Variants in CACNB2 observed in about 807,000 individuals in gnomAD.
CACNB2 encodes calcium voltage-gated channel auxiliary subunit beta 2, also known as voltage-dependent L-type calcium channel subunit beta-2.
Under a neutral mutation model 73.3 loss-of-function variants are expected in CACNB2, and 42 were observed. That is an observed-to-expected ratio of 0.57 (90% CI 0.45 to 0.74). The LOEUF is 0.74. Ranked by LOEUF, CACNB2 falls within the 30% of genes least tolerant of loss-of-function variation. The probability of loss-of-function intolerance (pLI) is 0.00; values close to 1 mark genes in which losing one functional copy is unlikely to be tolerated. For missense variants in CACNB2, 940 were observed against 853.0 expected, an observed-to-expected ratio of 1.10 and a Z score of -1.27; for synonymous variants, 348 against 310.3, an observed-to-expected ratio of 1.12 and a Z score of -1.28.
At chr10:18,524,022 G>T (rs75262294) in intron 9 of CACNB2, among the ~76,000 whole-genome samples, 2,943 of 152,112 alleles carry the variant, frequency 0.019, 82 homozygotes, top group African/African-American at 0.065. Context: ...GATCAAAGAA[G>T]AAATAAATCA....
chr10:18,520,700 C>G (rs1244533749), intron 9 of CACNB2, among the ~76,000 whole-genome samples: 1 of 152,232 alleles, frequency 6.6e-6, no homozygotes, highest in Non-Finnish European at 1.5e-5. Flanking sequence ...TTCCCTCGCT[C>G]ATTCTCACCC....
At chr10:18,336,832 G>C (rs1445270064) in intron 2 of CACNB2, among the ~76,000 whole-genome samples, 1 of 152,130 alleles carries the variant, frequency 6.6e-6, no homozygotes, top group African/African-American at 2.4e-5. Flanking sequence ...AATTTCCCTA[G>C]AAAATTAGAT....
At chr10:18,158,373 A>G (rs1432107877) in intron 2 of CACNB2, among the ~76,000 whole-genome samples, 1 of 152,224 alleles carries the variant, frequency 6.6e-6, no homozygotes, top group Non-Finnish European at 1.5e-5. Context: ...CACTGTTATT[A>G]GAATGAATGA....
rs144367884 is a variant in CACNB2 at position 18,534,076 on chromosome 10, C to T, written c.1055C>T (p.Ala352Val). 7.6e-5 allele frequency: 122 copies of T among 1,613,932 alleles called. No homozygotes were observed. The highest frequency in any genetic ancestry group is 5.3e-4 in the African/African-American group (40 of 75,020). Residue 352 changes from alanine (A) to valine (V), a missense_variant and splice_region_variant, in exon 11 of 14, where the codon GCG becomes GTG. Transcript: ENST00000324631. ...IERSNTRSSL[A>V]EVQSEIERIF... ...AACTGAATTGTTTCGCCCTTTACAG[C>T]GGAAGTTCAGAGTGAAATCGAAAGG...
At chr10:18,442,683 G>T (rs2046472033) in intron 3 of CACNB2, among the ~76,000 whole-genome samples, 1 of 150,714 alleles carries the variant, frequency 6.6e-6, no homozygotes, top group Non-Finnish European at 1.5e-5. Context: ...AAATTAGCTG[G>T]GCGTGGTGGC....
intron 4 of CACNB2, among the ~76,000 whole-genome samples, chr10:18,499,319 C>T (rs527278784): frequency 3.3e-5 from 5 of 152,140 alleles, no homozygotes; most frequent in South Asian, 2.1e-4. Flanking sequence ...TGATAACTGC[C>T]GATTAAAAGA....
intron 2 of CACNB2, among the ~76,000 whole-genome samples, chr10:18,370,339 G>C (rs1332300485): frequency 6.6e-6 from 1 of 152,070 alleles, no homozygotes; most frequent in Non-Finnish European, 1.5e-5. Flanking sequence ...TGTCACCCAG[G>C]CTAGAGTACA....
intron 2 of CACNB2, among the ~76,000 whole-genome samples, chr10:18,343,832 C>T (rs1426046115): frequency 3.3e-5 from 5 of 152,110 alleles, no homozygotes; most frequent in South Asian, 4.1e-4. Flanking sequence ...CAAATACAAA[C>T]GCTCTAAAAC....
chr10:18,498,355 A>T lies in CACNB2; in HGVS notation c.334A>T (p.Thr112Ser). The change falls in exon 4 of 14, where the codon ACA becomes TCA. Residue 112 changes from threonine to serine, a missense_variant and splice_region_variant. Physicochemically the swap from Thr to Ser is moderately conservative, Grantham distance 58. Transcript: ENST00000324631. ...TTCCCTCTTCCTTTTCCCACTTTAG[A>T]CAAAGCCCGTTGCATTTGCGGTTCG... Reference protein sequence around the residue: ...QAQAQLEKAKTKPVAFAVRTN... With the variant: ...QAQAQLEKAKSKPVAFAVRTN... 5.0e-6 allele frequency: 8 copies of T among 1,614,122 alleles called. No homozygotes were observed. The South Asian group carries it at 8.8e-5, about 18-fold the overall frequency.
chr10:18,392,248 G>A (rs1287914204), intron 2 of CACNB2, among the ~76,000 whole-genome samples: 2 of 152,254 alleles, frequency 1.3e-5, no homozygotes, highest in South Asian at 4.1e-4. Flanking sequence ...TAACAAAGGA[G>A]ACTTAGAAGG....
rs754812063 is a variant in CACNB2 at position 18,150,976 on chromosome 10, G to A, written c.213+1G>A. ...TACCTCAAATAGTTTTGTTCGCCAG[G>A]TAAGAGTTTTAAGTTCATGGTTTTG... On this transcript the variant is annotated splice_donor_variant, in intron 2 of 13. Transcript: ENST00000324631. LOFTEE classifies it high-confidence loss of function. 2.5e-6 allele frequency: 4 copies of A among 1,575,454 alleles called. No individual in the cohort carries two copies. The highest frequency in any genetic ancestry group is 3.5e-6 in the Non-Finnish European group (4 of 1,151,562).
chr10:18,519,062 C>T (rs1242369656), intron 9 of CACNB2, 94 bp downstream of exon 9: 1 of 976,730 alleles, frequency 1.0e-6, no homozygotes, highest in Non-Finnish European at 1.7e-6. Flanking sequence ...GAAAATGGCC[C>T]TCTGATGTCT....
intron 9 of CACNB2, among the ~76,000 whole-genome samples, chr10:18,519,328 C>T (rs2051606436): frequency 6.6e-6 from 1 of 152,116 alleles, no homozygotes; most frequent in South Asian, 2.1e-4. Flanking sequence ...TGTGCCATCT[C>T]CCCCTCCTTA....
chr10:18,534,161 T>C lies in CACNB2; in HGVS notation c.1140T>C (p.His380=), dbSNP rs151199943. ...LVVLDADTIN[H]PAQLSKTSLA... ...TCCTTGACGCGGATACAATTAATCATCCAGCTCAACTCAGTAAAACCTCCT... is the reference window on the plus strand; with the variant it reads ...TCCTTGACGCGGATACAATTAATCACCCAGCTCAACTCAGTAAAACCTCCT... The change falls in exon 11 of 14, where the codon CAT becomes CAC. Residue 380 remains histidine, a synonymous_variant. Transcript: ENST00000324631. 73 of 1,613,868 alleles carry C rather than the reference T, an allele frequency of 4.5e-5. No individual in the cohort carries two copies. In the Middle Eastern group the frequency reaches 1.5e-3, roughly 33 times the overall value.
At chr10:18,316,626 G>A (rs958566723) in intron 2 of CACNB2, among the ~76,000 whole-genome samples, 1 of 151,974 alleles carries the variant, frequency 6.6e-6, no homozygotes, top group Non-Finnish European at 1.5e-5. Context: ...ACTATGCCTG[G>A]TTAAATTTTG....
At chr10:18,463,172 C>T (rs2047675150) in intron 3 of CACNB2, among the ~76,000 whole-genome samples, 2 of 152,164 alleles carry the variant, frequency 1.3e-5, no homozygotes, top group East Asian at 3.8e-4. Context: ...ATCTGTGCCC[C>T]TTGTGTGTTC....
At chr10:18,363,772 G>C (rs1207032979) in intron 2 of CACNB2, among the ~76,000 whole-genome samples, 5 of 151,192 alleles carry the variant, frequency 3.3e-5, no homozygotes, top group Non-Finnish European at 7.4e-5. Context: ...CTGGAAATCA[G>C]TTCTTTTTTT....
chr10:18,392,447 T>C (rs1024134687), intron 2 of CACNB2, among the ~76,000 whole-genome samples: 1 of 152,090 alleles, frequency 6.6e-6, no homozygotes, highest in African/African-American at 2.4e-5. Context: ...TGAACAGTTT[T>C]AGTGGAGTGG....
intron 11 of CACNB2, among the ~76,000 whole-genome samples, chr10:18,534,611 C>G (rs1589744368): frequency 6.6e-6 from 1 of 152,230 alleles, no homozygotes; most frequent in South Asian, 2.1e-4. Context: ...CCAGCAGTTA[C>G]TGTATTCACC....
Sources: allele counts gnomAD v4.1 joint callset (sites outside exome capture counted in the v4.1 genomes callset), GRCh38; gene constraint gnomAD v4.1.1; transcripts MANE v1.5; gene names NCBI Gene and HGNC (gene_info 2026-07-23, HGNC 2026-07-21).